The following TENM2 variants were observed in gnomAD, a reference collection of about 807,000 sequenced individuals.
TENM2 encodes the protein teneurin-2.
In TENM2, 52 loss-of-function variants were observed where a neutral mutation model predicts 245.2. The ratio of observed to expected loss-of-function variants is 0.21; its 90% CI spans 0.17 to 0.27. The LOEUF (loss-of-function observed/expected upper bound fraction) is 0.27, where lower values mean the gene tolerates loss of function less well. Ranked by LOEUF, TENM2 falls within the 10% of genes least tolerant of loss-of-function variation. TENM2 has a pLI of 1.00. For missense variants in TENM2, 3,046 were observed against 3,666.8 expected, an observed-to-expected ratio of 0.83 and a Z score of 4.37; for synonymous variants, 1,363 against 1,438.9, an observed-to-expected ratio of 0.95 and a Z score of 1.19.
chr5:167,172,802 G>T, the TENM2 span, among the ~76,000 whole-genome samples: 1 of 151,868 alleles, frequency 6.6e-6, no homozygotes, highest in Non-Finnish European at 1.5e-5. Flanking sequence ...ATTTTACAGA[G>T]ATTGGGTCTC....
At chr5:167,544,168 C>G (rs1046778319) in intron 2 of TENM2, among the ~76,000 whole-genome samples, 7 of 152,126 alleles carry the variant, frequency 4.6e-5, no homozygotes, top group African/African-American at 1.7e-4. Context: ...CTACTCACCT[C>G]TGAAGTCACC....
chr5:168,216,917 G>A, exon 22 of TENM2: 1 of 1,613,814 alleles, frequency 6.2e-7, no homozygotes, highest in Non-Finnish European at 8.5e-7. Context: ...CATGGATGTA[G>A]CCCAGGTGAG....
At chr5:168,015,376 C>T (rs767528685) in intron 5 of TENM2, among the ~76,000 whole-genome samples, 2 of 152,206 alleles carry the variant, frequency 1.3e-5, no homozygotes, top group Non-Finnish European at 2.9e-5. Flanking sequence ...CGACACAAGG[C>T]TAGCAAACAG....
intron 2 of TENM2, among the ~76,000 whole-genome samples, chr5:167,740,970 A>G (rs757288782): frequency 6.6e-6 from 1 of 152,004 alleles, no homozygotes. Flanking sequence ...TCTTCTGTCA[A>G]CCCTGCAGAT....
chr5:167,795,683 T>C (rs1482142816), intron 2 of TENM2, among the ~76,000 whole-genome samples: 1 of 151,502 alleles, frequency 6.6e-6, no homozygotes, highest in Non-Finnish European at 1.5e-5. Context: ...AAAGAAAGAA[T>C]TTCCAAAAAA....
At chr5:167,086,929 GCACACACACA>G in the TENM2 span, among the ~76,000 whole-genome samples, 1,811 of 90,918 alleles carry the variant, frequency 0.02, 28 homozygotes, top group African/African-American at 0.051. Flanking sequence ...ACACACACAC[GCACACACACA>G]CACACACACA....
intron 1 of TENM2, among the ~76,000 whole-genome samples, chr5:167,318,845 T>C (rs571426967): frequency 1.9e-4 from 29 of 152,326 alleles, no homozygotes; most frequent in Non-Finnish European, 3.4e-4. Context: ...GTGAGACTTA[T>C]TTAAAAAGGA....
intron 2 of TENM2, among the ~76,000 whole-genome samples, chr5:167,840,156 C>T (rs1388705806): frequency 1.3e-5 from 2 of 152,230 alleles, no homozygotes; most frequent in South Asian, 4.1e-4. Context: ...CCAGCAAATG[C>T]TTTGCCCATA....
At chr5:167,083,946 A>G in the TENM2 span, among the ~76,000 whole-genome samples, 1 of 152,126 alleles carries the variant, frequency 6.6e-6, no homozygotes, top group African/African-American at 2.4e-5. Flanking sequence ...GTCAAGGTAA[A>G]TATTTCAGAA....
the TENM2 span, among the ~76,000 whole-genome samples, chr5:166,980,870 ATGT>A: frequency 3.9e-5 from 6 of 152,170 alleles, no homozygotes; most frequent in African/African-American, 1.4e-4. Context: ...CAGAGGGAAA[ATGT>A]TGTTATTCAA....
chr5:167,901,907 G>A (rs184085894), intron 3 of TENM2, among the ~76,000 whole-genome samples: 251 of 152,098 alleles, frequency 1.7e-3, no homozygotes, highest in Non-Finnish European at 2.8e-3. Flanking sequence ...ATATAAGATC[G>A]CAGGCAATTA....
At chr5:167,086,907 T>C in the TENM2 span, among the ~76,000 whole-genome samples, 1 of 145,428 alleles carries the variant, frequency 6.9e-6, no homozygotes, top group Non-Finnish European at 1.5e-5. Flanking sequence ...TAATATCCTC[T>C]AGGAAACTCT....
At chr5:167,716,866 A>G (rs1759294442) in intron 2 of TENM2, among the ~76,000 whole-genome samples, 2 of 150,348 alleles carry the variant, frequency 1.3e-5, no homozygotes, top group Non-Finnish European at 3.0e-5. Flanking sequence ...ATCTTTACTC[A>G]ACTTTGGGTC....
In TENM2 at chr5:168,245,128, A is replaced by T. The variant is rs79456217; in HGVS notation, c.5817+412A>T. Among the ~76,000 whole-genome samples the T allele has an allele frequency of 9.3e-3, 1,391 of 149,766 alleles. 28 individuals carry two copies. Among genetic ancestry groups the T allele is most frequent in the African/African-American group, 0.033 (1,328 of 40,738 alleles). The stretch of plus-strand genomic sequence containing the variant: ...TGCCATGAGACATCTTAACATCTTT[A>T]CTTCGACTCTACAAGGACTTCCCTC... On this transcript the variant is annotated intron_variant, in intron 26 of 28. Transcript: ENST00000518659.
intron 2 of TENM2, among the ~76,000 whole-genome samples, chr5:167,570,061 T>C (rs1774168252): frequency 1.3e-5 from 2 of 152,118 alleles, no homozygotes; most frequent in African/African-American, 4.8e-5. Context: ...TATGTTGATA[T>C]GAAAGAGAAA....
At chr5:167,686,527 T>C (rs539975152) in intron 2 of TENM2, among the ~76,000 whole-genome samples, 5 of 152,136 alleles carry the variant, frequency 3.3e-5, no homozygotes, top group Admixed American at 6.6e-5. Context: ...GCTTTAAAAA[T>C]GGAAACGTTT....
At position 167,701,400 on chromosome 5, in the gene TENM2, T is replaced by G. The variant is rs1321444787; in HGVS notation, c.503-174586T>G. Among the ~76,000 whole-genome samples, 3 of 151,676 alleles carry G rather than the reference T, an allele frequency of 2.0e-5. No individual in the cohort carries two copies. The East Asian group carries it at 5.8e-4, about 29-fold the overall frequency. On this transcript the variant is annotated intron_variant, in intron 2 of 28. Coordinates refer to ENST00000518659, the Ensembl canonical transcript of TENM2. ...TCATGTTGGGTTTTGGGTGTTTGTT[T>G]TTTTTTTTTACATCAGTTTAAAATT...
intron 2 of TENM2, among the ~76,000 whole-genome samples, chr5:167,871,129 A>C (rs1772792082): frequency 6.6e-6 from 1 of 152,180 alleles, no homozygotes; most frequent in Non-Finnish European, 1.5e-5. Flanking sequence ...TCTGTAATTA[A>C]GACAATGGGA....
intron 2 of TENM2, among the ~76,000 whole-genome samples, chr5:167,859,078 C>T (rs367605238): frequency 0.13 from 13,753 of 102,414 alleles, no homozygotes; most frequent in South Asian, 0.21. Context: ...CGTCTCTGCC[C>T]GGCCGCCCAT....
Sources: allele counts gnomAD v4.1 joint callset (sites outside exome capture counted in the v4.1 genomes callset), GRCh38; gene constraint gnomAD v4.1.1; transcripts MANE v1.5; gene names NCBI Gene and HGNC (gene_info 2026-07-23, HGNC 2026-07-21).